CDC42SE2: variants seen among roughly 807,000 people sequenced by gnomAD.
CDC42SE2 encodes the protein CDC42 small effector protein 2.
CDC42SE2 carries 3 observed loss-of-function variants against 11.5 expected under a neutral mutation model. That is an observed-to-expected ratio of 0.26 (90% CI 0.12 to 0.67). The LOEUF is 0.67. CDC42SE2 is among the 30% of genes least tolerant of loss of function. CDC42SE2 has a pLI of 0.80. For missense variants in CDC42SE2, 82 were observed against 106.8 expected, an observed-to-expected ratio of 0.77 and a Z score of 1.02; for synonymous variants, 33 against 34.8, an observed-to-expected ratio of 0.95 and a Z score of 0.18.
chr5:131,297,957 G>C (rs763001909), intron 1 of CDC42SE2, among the ~76,000 whole-genome samples: 1 of 151,760 alleles, frequency 6.6e-6, no homozygotes. Flanking sequence ...GTTAATACAC[G>C]AAAACGTAAT....
intron 2 of CDC42SE2, among the ~76,000 whole-genome samples, chr5:131,332,169 C>T (rs1036938557): frequency 6.6e-6 from 1 of 152,058 alleles, no homozygotes; most frequent in East Asian, 1.9e-4. Context: ...TTCCTGTGTC[C>T]ATGTGTTCTC....
chr5:131,217,273 A>G, the CDC42SE2 span, among the ~76,000 whole-genome samples: 1 of 152,204 alleles, frequency 6.6e-6, no homozygotes, highest in African/African-American at 2.4e-5. Flanking sequence ...TATATGGCCC[A>G]CAAAGCCTAA....
the CDC42SE2 span, among the ~76,000 whole-genome samples, chr5:131,238,198 T>TA: frequency 6.6e-6 from 1 of 152,016 alleles, no homozygotes; most frequent in Non-Finnish European, 1.5e-5. Context: ...ATGTGGGGCT[T>TA]AAAACCTAGA....
chr5:131,317,623 A>AT lies in CDC42SE2; in HGVS notation c.-286+1491dup, dbSNP rs879535056. On this transcript the variant is annotated intron_variant, in intron 2 of 4. Coordinates refer to ENST00000505065, the MANE Select transcript of CDC42SE2 (RefSeq NM_001375635.1). Reference sequence around the variant, plus strand: ...GTTTTAAAGCTCTGTGAAACAAATCATTTTTTTTTTTTGACCTGGCTCTAG... The same window carrying AT: ...GTTTTAAAGCTCTGTGAAACAAATCATTTTTTTTTTTTTGACCTGGCTCTAG... 1.2e-3 allele frequency among the ~76,000 whole-genome samples: 164 copies of AT among 140,468 alleles called. 1 individual carries two copies. Among genetic ancestry groups the AT allele is most frequent in the South Asian group, 3.6e-3 (16 of 4,502 alleles). 92.2% of individuals were successfully genotyped at this position (140,468 alleles called of 152,430 possible).
intron 3 of CDC42SE2, among the ~76,000 whole-genome samples, chr5:131,365,042 C>T (rs1473663541): frequency 6.6e-6 from 1 of 152,196 alleles, no homozygotes; most frequent in African/African-American, 2.4e-5. Context: ...GTAATCCCAG[C>T]ACTTTGGGAG....
upstream of CDC42SE2, among the ~76,000 whole-genome samples, chr5:131,243,510 C>T (rs1217336993): frequency 3.3e-5 from 5 of 152,132 alleles, no homozygotes; most frequent in Non-Finnish European, 7.4e-5. Context: ...GGCATGAACC[C>T]GGAAGGTGGA....
At chr5:131,215,589 C>T in the CDC42SE2 span, among the ~76,000 whole-genome samples, 1 of 152,188 alleles carries the variant, frequency 6.6e-6, no homozygotes. Flanking sequence ...GAGTTTTCAA[C>T]TCCTCTGCTC....
At chr5:131,330,851 CAA>C (rs912955913) in intron 2 of CDC42SE2, among the ~76,000 whole-genome samples, 7 of 58,102 alleles carry the variant, frequency 1.2e-4, no homozygotes, top group African/African-American at 1.1e-4. Flanking sequence ...CCTGCCTTTA[CAA>C]AAAAAAAAAA....
the CDC42SE2 span, among the ~76,000 whole-genome samples, chr5:131,223,923 G>A: frequency 4.6e-5 from 7 of 152,132 alleles, no homozygotes; most frequent in African/African-American, 1.7e-4. Context: ...ATCATTCCAA[G>A]GGTCAATCCT....
At chr5:131,257,722 C>T (rs1008162200) in intron 2 of CDC42SE2, among the ~76,000 whole-genome samples, 2 of 152,128 alleles carry the variant, frequency 1.3e-5, no homozygotes, top group African/African-American at 4.8e-5. Context: ...AGGCAATCCA[C>T]CTGCCTTGGT....
chr5:131,347,370 C>A (rs1009789315), intron 2 of CDC42SE2, among the ~76,000 whole-genome samples: 3 of 152,260 alleles, frequency 2.0e-5, no homozygotes, highest in African/African-American at 7.2e-5. Context: ...ACTATAAACA[C>A]CTCTATGCAA....
At chr5:131,376,886 T>C (rs953393557) in intron 3 of CDC42SE2, among the ~76,000 whole-genome samples, 2 of 152,224 alleles carry the variant, frequency 1.3e-5, no homozygotes, top group African/African-American at 4.8e-5. Flanking sequence ...TTATCCAGTC[T>C]ACCACTGATG....
intron 2 of CDC42SE2, among the ~76,000 whole-genome samples, chr5:131,333,188 G>A (rs1274781759): frequency 6.6e-6 from 1 of 152,024 alleles, no homozygotes; most frequent in East Asian, 1.9e-4. Flanking sequence ...CTACGTATGG[G>A]TAGCCAGTTT....
rs1234594481 is a variant in CDC42SE2, at chr5:131,339,772, T to C, written c.-285-19437T>C. Among the ~76,000 whole-genome samples, 3 of 147,700 alleles carry C rather than the reference T, an allele frequency of 2.0e-5. No individual in the cohort carries two copies. The East Asian group carries it at 5.9e-4, about 29-fold the overall frequency. On this transcript the variant is annotated intron_variant, in intron 2 of 4. Coordinates refer to ENST00000505065, the MANE Select transcript of CDC42SE2 (RefSeq NM_001375635.1). ...TTGCAGTGAGCCAAGATTGTACCACTGCACTCTAGCCTGAATGACAGAGCA... is the reference window on the plus strand; with the variant it reads ...TTGCAGTGAGCCAAGATTGTACCACCGCACTCTAGCCTGAATGACAGAGCA...
chr5:131,239,297 C>T, the CDC42SE2 span, among the ~76,000 whole-genome samples: 4 of 151,456 alleles, frequency 2.6e-5, no homozygotes, highest in South Asian at 2.1e-4. Flanking sequence ...TCTGACTGGG[C>T]GTGGCAGCTT....
At chr5:131,387,975 C>T (rs2149790348) in intron 4 of CDC42SE2, among the ~76,000 whole-genome samples, 1 of 152,298 alleles carries the variant, frequency 6.6e-6, no homozygotes, top group Non-Finnish European at 1.5e-5. Flanking sequence ...TGTGTTCTTG[C>T]TGCTAGGAAT....
intron 1 of CDC42SE2, among the ~76,000 whole-genome samples, chr5:131,290,963 A>G (rs1179275553): frequency 3.3e-5 from 5 of 152,210 alleles, no homozygotes; most frequent in Admixed American, 3.3e-4. Flanking sequence ...GTTCAAGATA[A>G]AAAAGGAAAA....
At position 131,391,136 on chromosome 5, in the gene CDC42SE2, C is replaced by CTG; in HGVS notation, c.*46_*47dup. The CTG allele has an allele frequency of 7.2e-7, 1 of 1,391,782 alleles. No homozygotes were observed. The allele number at this position is 1,391,782 out of a possible 1,614,324, so 86.2% of individuals were successfully genotyped here. A position where few individuals can be genotyped will look rare whatever the true frequency, so the allele number is the denominator to read the frequency against. ...GAGTACTCAGAGCTGGGGTCTGGACCTGACGGCCAGACATGGCCAGGCCAA... is the reference window on the plus strand; with the variant it reads ...GAGTACTCAGAGCTGGGGTCTGGACCTGTGACGGCCAGACATGGCCAGGCCAA... On this transcript the variant is annotated 3_prime_UTR_variant, in exon 5 of 5. Coordinates refer to ENST00000505065, the MANE Select transcript of CDC42SE2 (RefSeq NM_001375635.1).
chr5:131,229,665 G>C, the CDC42SE2 span, among the ~76,000 whole-genome samples: 1 of 152,324 alleles, frequency 6.6e-6, no homozygotes, highest in East Asian at 1.9e-4. Context: ...CGGGCATAGT[G>C]GTTCATGCCT....
Sources: gnomAD v4.1 joint callset for allele counts (sites outside exome capture counted in the v4.1 genomes callset) on GRCh38, gnomAD v4.1.1 for gene constraint, MANE v1.5 for transcripts, NCBI Gene and HGNC (gene_info 2026-07-23, HGNC 2026-07-21) for gene names.